The following FGF13 variants were observed in gnomAD, a reference collection of about 807,000 sequenced individuals.
The protein encoded by FGF13 is fibroblast growth factor 13, also known as fibroblast growth factor homologous factor 2.
FGF13 carries 2 observed loss-of-function variants against 19.5 expected under a neutral mutation model. The observed-to-expected ratio is 0.10, with a 90% CI of 0.04 to 0.32. The LOEUF (loss-of-function observed/expected upper bound fraction) is 0.32, where lower values mean the gene tolerates loss of function less well. Ranked by LOEUF, FGF13 falls within the 10% of genes least tolerant of loss-of-function variation. The pLI is 1.00. For missense variants in FGF13, 113 were observed against 192.7 expected (o/e 0.59, Z 2.45); for synonymous variants, 72 against 76.9 (o/e 0.94, Z 0.33).
Position 138,710,869 on chromosome X carries a change from G to C in FGF13, c.135C>G (p.Val45=). Residue 45 remains valine, a synonymous_variant, in exon 1 of 5, where the codon GTC becomes GTG. Coordinates refer to ENST00000315930, the MANE Select transcript of FGF13 (RefSeq NM_004114.5). ...KTSCDKNKLN[V]FSRVKLFGSK... is the part of the protein sequence containing the mutation. ...AGCCGAAGAGTTTGACCCGGGAAAA[G>C]ACATTTAACTTGTTTTTGTCGCAGC... 7.4e-6 allele frequency: 9 copies of C among 1,212,406 alleles called. No individual in the cohort carries two copies. Among genetic ancestry groups the C allele is most frequent in the Non-Finnish European group, 1.0e-5 (9 of 895,664 alleles).
Position 138,627,081 on chromosome X carries a change from G to T in FGF13, c.*5769C>A, listed in dbSNP as rs1259049076. On this transcript the variant is annotated 3_prime_UTR_variant, in exon 5 of 5. Transcript: ENST00000315930. ...CAATTGGAGTTCCACTTTATTAATC[G>T]CAGTAAGGAAAGAAAAATTCTCTGT... is the stretch of plus-strand genomic sequence containing the variant. The T allele has an allele frequency of 1.8e-5, 2 of 111,503 alleles. No individual in the cohort carries two copies. Among genetic ancestry groups the T allele is most frequent in the Non-Finnish European group, 3.8e-5 (2 of 53,118 alleles). The allele number at this position is 111,503 out of a possible 1,213,427, so 9.2% of individuals were successfully genotyped here.
At chrX:139,089,994 G>A (rs2083429366) in intron 1 of FGF13, among the ~76,000 whole-genome samples, 1 of 111,781 alleles carries the variant, frequency 8.9e-6, no homozygotes, top group Non-Finnish European at 1.9e-5. Context: ...GTAAGCCGCT[G>A]CACCTGGCTT....
intron 1 of FGF13, among the ~76,000 whole-genome samples, chrX:139,148,187 G>A (rs774530295): frequency 1.6e-4 from 18 of 111,226 alleles, no homozygotes; most frequent in African/African-American, 5.2e-4. Context: ...GAAGGAAAAT[G>A]AGAGACAGAA....
downstream of FGF13, among the ~76,000 whole-genome samples, chrX:138,854,319 G>C (rs1177394402): frequency 8.9e-6 from 1 of 111,791 alleles, no homozygotes; most frequent in Non-Finnish European, 1.9e-5. Context: ...TTCATAAATA[G>C]AAACCTGGTA....
At chrX:139,050,319 C>T (rs759420077) in intron 1 of FGF13, among the ~76,000 whole-genome samples, 13 of 111,999 alleles carry the variant, frequency 1.2e-4, no homozygotes, top group Non-Finnish European at 1.9e-4. Context: ...ATCTTCAAGA[C>T]ATTATCTTCT....
chrX:138,924,164 G>A (rs946688379), intron 1 of FGF13, among the ~76,000 whole-genome samples: 1 of 112,087 alleles, frequency 8.9e-6, no homozygotes, highest in Non-Finnish European at 1.9e-5. Context: ...AGCAATGATG[G>A]GAATTTATTG....
intron 3 of FGF13, among the ~76,000 whole-genome samples, chrX:138,812,615 G>GTGAT (rs1206336093): frequency 7.2e-5 from 8 of 111,270 alleles, no homozygotes; most frequent in South Asian, 3.8e-4. Flanking sequence ...TTAGACCAAT[G>GTGAT]TGATAATACA....
At chrX:139,203,157 C>T (rs755865498) in intron 1 of FGF13, among the ~76,000 whole-genome samples, 7 of 111,955 alleles carry the variant, frequency 6.3e-5, no homozygotes, top group African/African-American at 1.6e-4. Flanking sequence ...GCCTGAGCAC[C>T]GCTTTGCTGC....
chrX:138,836,943 G>A lies in FGF13; in HGVS notation c.217+20569C>T, dbSNP rs2091116988. 2.7e-5 allele frequency among the ~76,000 whole-genome samples: 3 copies of A among 109,226 alleles called. No homozygotes were observed. In the Admixed American group the frequency reaches 2.9e-4, roughly 11 times the overall value. 94.8% of individuals were successfully genotyped at this position (109,226 alleles called of 115,157 possible). A position where few individuals can be genotyped will look rare whatever the true frequency, so the allele number is the denominator to read the frequency against. On this transcript the variant is annotated intron_variant, in intron 3 of 6. Coordinates refer to the FGF13 transcript ENST00000436198. Reference sequence around the variant, plus strand: ...TCCATAGGGCTGTTGTGGTATTCTGGGGGTCTGCTCCAGTTTCTAGTAGAC... The same window carrying A: ...TCCATAGGGCTGTTGTGGTATTCTGAGGGTCTGCTCCAGTTTCTAGTAGAC...
intron 1 of FGF13, among the ~76,000 whole-genome samples, chrX:138,919,478 T>G (rs780511283): frequency 6.3e-5 from 7 of 111,965 alleles, no homozygotes; most frequent in Non-Finnish European, 1.3e-4. Flanking sequence ...TCTTGGGCAT[T>G]TATCCTAGAA....
intron 4 of FGF13, among the ~76,000 whole-genome samples, chrX:138,634,329 G>A (rs1300907006): frequency 8.9e-6 from 1 of 111,788 alleles, no homozygotes; most frequent in Non-Finnish European, 1.9e-5. Flanking sequence ...CGCCCGCCTC[G>A]GCCTCCCCAA....
At chrX:138,989,202 A>G (rs1018532097) in intron 1 of FGF13, among the ~76,000 whole-genome samples, 2 of 111,853 alleles carry the variant, frequency 1.8e-5, no homozygotes, top group African/African-American at 6.5e-5. Flanking sequence ...AAACTGGATC[A>G]AAATGAAAAC....
chrX:138,755,746 T>C (rs112149579), intron 3 of FGF13, among the ~76,000 whole-genome samples: 5 of 112,409 alleles, frequency 4.4e-5, no homozygotes, highest in African/African-American at 1.6e-4. Context: ...TAACCCATTA[T>C]TGTAATGATG....
At chrX:139,100,439 G>A (rs1307082212) in intron 1 of FGF13, among the ~76,000 whole-genome samples, 1 of 109,659 alleles carries the variant, frequency 9.1e-6, no homozygotes, top group Non-Finnish European at 1.9e-5. Flanking sequence ...ATATGAACAA[G>A]AATGAGAGGC....
chrX:138,853,109 A>G (rs2091233719), downstream of FGF13, among the ~76,000 whole-genome samples: 1 of 111,917 alleles, frequency 8.9e-6, no homozygotes, highest in Admixed American at 9.5e-5. Context: ...TTCAGCTGAC[A>G]AGCATCAGAG....
intron 3 of FGF13, among the ~76,000 whole-genome samples, chrX:138,758,433 C>T (rs763142153): frequency 6.3e-5 from 7 of 111,688 alleles, no homozygotes; most frequent in African/African-American, 9.7e-5. Flanking sequence ...CCTCAGCAAC[C>T]GGACCACTGA....
chrX:139,042,819 A>G (rs371554368), intron 1 of FGF13, among the ~76,000 whole-genome samples: 1 of 111,496 alleles, frequency 9.0e-6, no homozygotes, highest in Non-Finnish European at 1.9e-5. Context: ...TATTTCAGAT[A>G]ATTGGATTTT....
intron 1 of FGF13, among the ~76,000 whole-genome samples, chrX:139,196,198 TACTCA>T (rs2084369361): frequency 8.9e-6 from 1 of 112,157 alleles, no homozygotes; most frequent in Non-Finnish European, 1.9e-5. Context: ...GTGGAGTTTT[TACTCA>T]ACAGTGAATT....
At chrX:139,177,909 G>T (rs1035637460) in intron 1 of FGF13, among the ~76,000 whole-genome samples, 3 of 112,316 alleles carry the variant, frequency 2.7e-5, no homozygotes, top group African/African-American at 6.5e-5. Context: ...CATGGGAAAA[G>T]CATAGTATCT....
Sources: gnomAD v4.1 joint callset for allele counts (sites outside exome capture counted in the v4.1 genomes callset) on GRCh38, gnomAD v4.1.1 for gene constraint, MANE v1.5 for transcripts, NCBI Gene and HGNC (gene_info 2026-07-23, HGNC 2026-07-21) for gene names.